SAMMSON: variants seen among roughly 807,000 people sequenced by gnomAD.
SAMMSON encodes the protein long intergenic non-protein coding RNA 1212.
chr3:70,038,327 C>T (rs906666347), intron 3 of SAMMSON, among the ~76,000 whole-genome samples: 1 of 152,030 alleles, frequency 6.6e-6, no homozygotes, highest in South Asian at 2.1e-4. Flanking sequence ...ATCTGGCTTC[C>T]TTTGTCTCTC....
intron 4 of SAMMSON, among the ~76,000 whole-genome samples, chr3:70,244,965 A>G (rs1381921016): frequency 6.6e-6 from 1 of 152,150 alleles, no homozygotes; most frequent in Non-Finnish European, 1.5e-5. Flanking sequence ...TATAAAAATC[A>G]TACTACTTAT....
intron 9 of SAMMSON, among the ~76,000 whole-genome samples, chr3:70,383,681 C>G (rs552179218): frequency 2.6e-5 from 4 of 152,010 alleles, no homozygotes; most frequent in African/African-American, 9.6e-5. Context: ...ATGATTGGTG[C>G]CACTGCAAAG....
At chr3:70,298,648 A>G (rs1038028517) in intron 7 of SAMMSON, among the ~76,000 whole-genome samples, 2 of 152,240 alleles carry the variant, frequency 1.3e-5, no homozygotes, top group Admixed American at 6.5e-5. Context: ...AGGGAATCCA[A>G]CTGAATGAGT....
intron 3 of SAMMSON, among the ~76,000 whole-genome samples, chr3:70,057,732 AC>A (rs2067173347): frequency 6.6e-6 from 1 of 151,916 alleles, no homozygotes; most frequent in Non-Finnish European, 1.5e-5. Flanking sequence ...GTCTTTTTAA[AC>A]TAACACTCAT....
At chr3:70,137,864 C>T (rs1207730619) in intron 4 of SAMMSON, among the ~76,000 whole-genome samples, 1 of 152,122 alleles carries the variant, frequency 6.6e-6, no homozygotes, top group Non-Finnish European at 1.5e-5. Flanking sequence ...CTTGGATAGC[C>T]ACATTTCACA....
chr3:70,406,150 C>T (rs1019405867), intron 2 of SAMMSON, among the ~76,000 whole-genome samples: 1 of 152,098 alleles, frequency 6.6e-6, no homozygotes, highest in Non-Finnish European at 1.5e-5. Flanking sequence ...CATCATGTTG[C>T]ACATGATAAA....
At chr3:70,259,332 C>T (rs1701844586) in intron 6 of SAMMSON, among the ~76,000 whole-genome samples, 1 of 151,974 alleles carries the variant, frequency 6.6e-6, no homozygotes. Flanking sequence ...TTGACTCCAG[C>T]TCTTTAGAGG....
At chr3:70,424,363 A>G (rs911592838) in intron 2 of SAMMSON, among the ~76,000 whole-genome samples, 1 of 152,220 alleles carries the variant, frequency 6.6e-6, no homozygotes, top group Non-Finnish European at 1.5e-5. Context: ...CTGGTGTTCT[A>G]TAGAGGTAAT....
intron 4 of SAMMSON, among the ~76,000 whole-genome samples, chr3:70,232,640 C>A (rs1032035436): frequency 2.0e-5 from 3 of 151,976 alleles, no homozygotes; most frequent in Non-Finnish European, 4.4e-5. Flanking sequence ...GCTCGTGATC[C>A]GCCCGCCTCA....
intron 3 of SAMMSON, among the ~76,000 whole-genome samples, chr3:70,041,935 C>G (rs535342624): frequency 1.8e-4 from 28 of 152,128 alleles, no homozygotes; most frequent in African/African-American, 6.5e-4. Flanking sequence ...ATCCATGAGG[C>G]TGAGAAATAG....
intron 2 of SAMMSON, among the ~76,000 whole-genome samples, chr3:70,401,011 A>G (rs922600242): frequency 6.6e-6 from 1 of 152,172 alleles, no homozygotes; most frequent in African/African-American, 2.4e-5. Flanking sequence ...AGGAATTTAT[A>G]ATCATTTTAT....
intron 4 of SAMMSON, among the ~76,000 whole-genome samples, chr3:70,242,685 C>T (rs1184765477): frequency 2.0e-5 from 3 of 152,138 alleles, no homozygotes; most frequent in East Asian, 3.9e-4. Flanking sequence ...GTATATCTAT[C>T]GAAGATAGCA....
chr3:70,230,443 T>C lies in SAMMSON; in HGVS notation n.508-18664T>C, dbSNP rs536287699. Among the ~76,000 whole-genome samples, 5 of 152,276 alleles carry C rather than the reference T, an allele frequency of 3.3e-5. No homozygotes were observed. In the East Asian group the frequency reaches 9.6e-4, roughly 29 times the overall value. On this transcript the variant is annotated intron_variant and non_coding_transcript_variant, in intron 4 of 9. Transcript: ENST00000642114. ...ATTTTTTGACCACTAGAACTTTTAC[T>C]TGGATCTCAAAACCTCTATGAAATT...
intron 6 of SAMMSON, among the ~76,000 whole-genome samples, chr3:70,257,273 T>G (rs1462127114): frequency 6.6e-6 from 1 of 152,194 alleles, no homozygotes; most frequent in Admixed American, 6.5e-5. Context: ...TCAAAAAAGT[T>G]CAAGAATAGA....
intron 4 of SAMMSON, among the ~76,000 whole-genome samples, chr3:70,119,330 G>A (rs2067423880): frequency 6.6e-6 from 1 of 152,180 alleles, no homozygotes; most frequent in Non-Finnish European, 1.5e-5. Context: ...GTCTCCCAAA[G>A]TGCTGGGATT....
chr3:70,427,553 C>G (rs906911665), intron 2 of SAMMSON, among the ~76,000 whole-genome samples: 1 of 151,998 alleles, frequency 6.6e-6, no homozygotes, highest in Non-Finnish European at 1.5e-5. Context: ...TCCTGGCTGA[C>G]ACGGTGAAAC....
intron 1 of SAMMSON, among the ~76,000 whole-genome samples, chr3:70,005,009 T>C (rs1439479775): frequency 6.6e-6 from 1 of 152,202 alleles, no homozygotes; most frequent in Non-Finnish European, 1.5e-5. Context: ...GAGCCCGGGC[T>C]GGAGCCAGAA....
At chr3:70,000,054 A>G (rs1195961154) in intron 1 of SAMMSON, among the ~76,000 whole-genome samples, 2 of 152,162 alleles carry the variant, frequency 1.3e-5, no homozygotes, top group East Asian at 3.9e-4. Flanking sequence ...AAATCCGGGG[A>G]TACAGAAAGC....
intron 4 of SAMMSON, among the ~76,000 whole-genome samples, chr3:70,151,669 C>A (rs2067572403): frequency 6.6e-6 from 1 of 151,958 alleles, no homozygotes; most frequent in South Asian, 2.1e-4. Flanking sequence ...TTCTTTACTT[C>A]AAAATACAAT....
Sources: gnomAD v4.1 joint callset for allele counts (sites outside exome capture counted in the v4.1 genomes callset) on GRCh38, gnomAD v4.1.1 for gene constraint, MANE v1.5 for transcripts, NCBI Gene and HGNC (gene_info 2026-07-23, HGNC 2026-07-21) for gene names.